Variants in GRID1 observed in about 807,000 individuals in gnomAD.
GRID1 encodes glutamate receptor ionotropic, delta-1.
In GRID1, 28 loss-of-function variants were observed where a neutral mutation model predicts 98.0. The ratio of observed to expected loss-of-function variants is 0.29; its 90% CI spans 0.21 to 0.39. The LOEUF (loss-of-function observed/expected upper bound fraction) is 0.39, where lower values mean the gene tolerates loss of function less well. Among genes scored for constraint, GRID1 ranks in the 10% least tolerant of loss-of-function variants. The probability of loss-of-function intolerance (pLI) is 1.00; values close to 1 mark genes in which losing one functional copy is unlikely to be tolerated. For missense variants in GRID1, 1,111 were observed against 1,340.5 expected (o/e 0.83, Z 2.67); for synonymous variants, 553 against 538.5 (o/e 1.03, Z -0.37).
intron 8 of GRID1, among the ~76,000 whole-genome samples, chr10:85,765,000 C>A (rs757622622): frequency 1.2e-4 from 19 of 152,146 alleles, no homozygotes; most frequent in Non-Finnish European, 2.6e-4. Flanking sequence ...GATTCCAGTA[C>A]ATCTTTATAC....
chr10:85,832,684 G>C (rs963920245), intron 8 of GRID1, among the ~76,000 whole-genome samples: 1 of 152,160 alleles, frequency 6.6e-6, no homozygotes, highest in African/African-American at 2.4e-5. Flanking sequence ...CTCAGCGCTA[G>C]AGGAAAAACA....
chr10:85,990,079 T>C (rs1208385566), intron 4 of GRID1, among the ~76,000 whole-genome samples: 1 of 152,200 alleles, frequency 6.6e-6, no homozygotes, highest in Non-Finnish European at 1.5e-5. Flanking sequence ...GAGAACTAAA[T>C]TCCTGTAGTA....
intron 2 of GRID1, among the ~76,000 whole-genome samples, chr10:86,217,957 C>T (rs61857813): frequency 0.011 from 1,685 of 152,308 alleles, 25 homozygotes; most frequent in Middle Eastern, 0.024. Flanking sequence ...TTCTCCCCTA[C>T]CCCACCTGCA....
chr10:86,034,599 C>T (rs554133987), intron 4 of GRID1, among the ~76,000 whole-genome samples: 23 of 151,898 alleles, frequency 1.5e-4, no homozygotes, highest in African/African-American at 5.1e-4. Context: ...CACTGCTTCC[C>T]GGGAACCAGT....
intron 3 of GRID1, among the ~76,000 whole-genome samples, chr10:86,158,047 A>G (rs929750172): frequency 1.3e-5 from 2 of 152,284 alleles, no homozygotes; most frequent in African/African-American, 4.8e-5. Flanking sequence ...CTGCTGTGTC[A>G]TTTCATGCCA....
chr10:85,611,588 C>T (rs988937911), intron 15 of GRID1, among the ~76,000 whole-genome samples: 2 of 152,294 alleles, frequency 1.3e-5, no homozygotes, highest in African/African-American at 2.4e-5. Context: ...GCGGGTGCAA[C>T]GTGTGCCAAT....
chr10:86,225,730 G>A (rs560894659), intron 2 of GRID1, among the ~76,000 whole-genome samples: 4 of 152,210 alleles, frequency 2.6e-5, no homozygotes, highest in Non-Finnish European at 2.9e-5. Context: ...AGGTCCCCCA[G>A]CTCTTTGGGT....
chr10:85,659,811 G>A (rs1264072592), intron 12 of GRID1, among the ~76,000 whole-genome samples: 4 of 152,138 alleles, frequency 2.6e-5, no homozygotes, highest in South Asian at 2.1e-4. Context: ...ATGGGCTAGC[G>A]CATTTCATCC....
intron 13 of GRID1, 169 bp downstream of exon 13, chr10:85,647,033 A>G (rs538650291): frequency 1.5e-6 from 1 of 662,462 alleles, no homozygotes; most frequent in Non-Finnish European, 2.7e-6. Flanking sequence ...TAAGAAGCAG[A>G]GCAGCTGCTT....
chr10:85,676,255 C>T (rs997495643), intron 12 of GRID1, among the ~76,000 whole-genome samples: 2 of 152,080 alleles, frequency 1.3e-5, no homozygotes, highest in Non-Finnish European at 2.9e-5. Flanking sequence ...GAGGGACCTG[C>T]CTCCCCTGGA....
intron 4 of GRID1, among the ~76,000 whole-genome samples, chr10:86,091,269 G>C (rs1844143942): frequency 2.0e-5 from 3 of 152,156 alleles, no homozygotes. Context: ...CACTCTGCCT[G>C]GAAACAGACT....
At position 85,964,389 on chromosome 10, in the gene GRID1, TATACCACAAAGCTAC is replaced by T. The variant is rs574182908; in HGVS notation, c.727-48165_727-48151del. Among the ~76,000 whole-genome samples the T allele has an allele frequency of 2.7e-4, 41 of 152,200 alleles. 1 individual carries two copies. In the South Asian group the frequency reaches 8.1e-3, roughly 30 times the overall value. ...GGCATCATGCTACCTGACTTCAAAC[TATACCACAAAGCTAC>T]AGTAACCAAAACAGCATGGTACTGG... On this transcript the variant is annotated intron_variant, in intron 4 of 15. Coordinates refer to ENST00000327946, the MANE Select transcript of GRID1 (RefSeq NM_017551.3).
chr10:85,754,742 G>A (rs1842079745), intron 8 of GRID1, among the ~76,000 whole-genome samples: 3 of 152,122 alleles, frequency 2.0e-5, no homozygotes, highest in African/African-American at 7.2e-5. Context: ...ATAGAGGCTG[G>A]GTTTGGGGGT....
At chr10:86,294,449 G>T (rs1847559240) in intron 2 of GRID1, among the ~76,000 whole-genome samples, 1 of 152,220 alleles carries the variant, frequency 6.6e-6, no homozygotes, top group African/African-American at 2.4e-5. Flanking sequence ...CTGTCAGGAA[G>T]CCATTCCAAG....
rs77127260 is a variant in GRID1 at position 86,356,613 on chromosome 10, C to T, written c.235+7328G>A. 3.6e-3 allele frequency among the ~76,000 whole-genome samples: 541 copies of T among 152,320 alleles called. 3 individuals carry two copies. Among genetic ancestry groups the T allele is most frequent in the African/African-American group, 0.012 (518 of 41,580 alleles). On this transcript the variant is annotated intron_variant, in intron 2 of 15. Transcript: ENST00000327946. The stretch of plus-strand genomic sequence containing the variant: ...ATGAGGGACCAAGCTCCCCACTGAC[C>T]GGCAATGGACACACAGCAGGAGGAG...
rs752454640 is a variant in GRID1, at chr10:85,827,677, T to TA, written c.1233+26818dup. Among the ~76,000 whole-genome samples the TA allele has an allele frequency of 4.7e-3, 657 of 138,994 alleles. 3 individuals carry two copies. The highest frequency in any genetic ancestry group is 0.012 in the African/African-American group (467 of 37,948). The allele number at this position is 138,994 out of a possible 152,430, so 91.2% of individuals were successfully genotyped here. On this transcript the variant is annotated intron_variant, in intron 8 of 15. Coordinates refer to ENST00000327946, the MANE Select transcript of GRID1 (RefSeq NM_017551.3). The stretch of plus-strand genomic sequence containing the variant: ...CCAAACAGACTAAGCCAACAATGGT[T>TA]AAAAAAAAAAAAAAGATGAAGAACG...
Position 85,982,190 on chromosome 10 carries a change from C to A in GRID1, c.727-65951G>T, listed in dbSNP as rs1299348064. Among the ~76,000 whole-genome samples the A allele has an allele frequency of 6.4e-5, 7 of 109,996 alleles. No individual in the cohort carries two copies. The East Asian group carries it at 1.1e-3, about 18-fold the overall frequency. The allele number at this position is 109,996 out of a possible 152,430, so 72.2% of individuals were successfully genotyped here. A position where few individuals can be genotyped will look rare whatever the true frequency, so the allele number is the denominator to read the frequency against. Reference sequence around the variant, plus strand: ...TTGAAAGTGATGAAAAGGGCTCTTGCCACAAAAAAAAAAAAAAAATTGGGT... The same window carrying A: ...TTGAAAGTGATGAAAAGGGCTCTTGACACAAAAAAAAAAAAAAAATTGGGT... On this transcript the variant is annotated intron_variant, in intron 4 of 15. Transcript: ENST00000327946.
intron 5 of GRID1, among the ~76,000 whole-genome samples, chr10:85,892,646 AG>A (rs1182448967): frequency 3.3e-5 from 5 of 152,016 alleles, no homozygotes; most frequent in Non-Finnish European, 5.9e-5. Context: ...AAAAATCTTC[AG>A]GAAAAAAAGA....
chr10:86,102,206 G>A (rs1326266573), intron 4 of GRID1, among the ~76,000 whole-genome samples: 2 of 152,216 alleles, frequency 1.3e-5, no homozygotes, highest in African/African-American at 4.8e-5. Flanking sequence ...AGGCCACTCT[G>A]GCTGCCTCAG....
Sources: allele counts gnomAD v4.1 joint callset (sites outside exome capture counted in the v4.1 genomes callset), GRCh38; gene constraint gnomAD v4.1.1; transcripts MANE v1.5; gene names NCBI Gene and HGNC (gene_info 2026-07-23, HGNC 2026-07-21).